The following NLK variants were observed in gnomAD, a reference collection of about 807,000 sequenced individuals.
NLK encodes nemo like kinase, also known as serine/threonine-protein kinase NLK.
NLK carries 11 observed loss-of-function variants against 59.0 expected under a neutral mutation model. The ratio of observed to expected loss-of-function variants is 0.19; its 90% CI spans 0.12 to 0.31. The LOEUF (loss-of-function observed/expected upper bound fraction) is 0.31, where lower values mean the gene tolerates loss of function less well. Ranked by LOEUF, NLK falls within the 10% of genes least tolerant of loss-of-function variation. The pLI is 1.00. For missense variants in NLK, 410 were observed against 661.1 expected (o/e 0.62, Z 4.16); for synonymous variants, 235 against 235.9 (o/e 1.00, Z 0.03).
chr17:28,066,366 G>T (rs1161684981), intron 1 of NLK, among the ~76,000 whole-genome samples: 1 of 152,170 alleles, frequency 6.6e-6, no homozygotes, highest in Non-Finnish European at 1.5e-5. Context: ...AGCCCAAACT[G>T]CTCTGACAAA....
chr17:28,139,185 G>A, intron 3 of NLK, among the ~76,000 whole-genome samples: 1 of 152,150 alleles, frequency 6.6e-6, no homozygotes, highest in East Asian at 1.9e-4. Context: ...GAACCCAGGA[G>A]GTGAAGATTG....
chr17:28,201,633 G>A, the NLK span, among the ~76,000 whole-genome samples: 4 of 152,110 alleles, frequency 2.6e-5, no homozygotes, highest in Admixed American at 2.6e-4. Flanking sequence ...GCTATAGTCA[G>A]GTGAGATTTA....
At chr17:28,138,908 A>G (rs75460904) in intron 3 of NLK, among the ~76,000 whole-genome samples, 2,583 of 152,336 alleles carry the variant, frequency 0.017, 83 homozygotes, top group African/African-American at 0.059. Flanking sequence ...ATAATCTAGT[A>G]GAGGATACAA....
chr17:28,114,610 A>G (rs917804198), intron 1 of NLK, among the ~76,000 whole-genome samples: 3 of 152,200 alleles, frequency 2.0e-5, no homozygotes, highest in African/African-American at 4.8e-5. Flanking sequence ...TTTGTGTTCA[A>G]TTGAAGAAAT....
At chr17:28,191,249 C>T (rs749955629) in intron 9 of NLK, 30 bp downstream of exon 9, 2 of 1,522,826 alleles carry the variant, frequency 1.3e-6, no homozygotes, top group South Asian at 1.2e-5. Flanking sequence ...TTTGGCCAGG[C>T]AATATGCCTA....
At chr17:28,140,246 A>G (rs1447876351) in intron 3 of NLK, among the ~76,000 whole-genome samples, 2 of 152,194 alleles carry the variant, frequency 1.3e-5, no homozygotes, top group Admixed American at 1.3e-4. Flanking sequence ...ATTGGGCCCC[A>G]ATGAAAGATT....
rs35187605 is a variant in NLK at position 28,194,983 on chromosome 17, TCACACACACACACACA to T, written c.*364_*379del. ...CTTTTCTAAAATGAAGTGAGATTGT[TCACACACACACACACA>T]CACACACACACACACAAACACAAAG... On this transcript the variant is annotated 3_prime_UTR_variant, in exon 11 of 11. Coordinates refer to ENST00000407008, the MANE Select transcript of NLK (RefSeq NM_016231.5). 6.3e-6 allele frequency: 1 copy of T among 158,054 alleles called. No individual in the cohort carries two copies. Among genetic ancestry groups the T allele is most frequent in the Non-Finnish European group, 1.4e-5 (1 of 73,950 alleles). 9.8% of individuals were successfully genotyped at this position (158,054 alleles called of 1,614,324 possible).
At chr17:28,068,887 C>T (rs2142754958) in intron 1 of NLK, among the ~76,000 whole-genome samples, 1 of 152,238 alleles carries the variant, frequency 6.6e-6, no homozygotes, top group South Asian at 2.1e-4. Flanking sequence ...CTATGTTGCC[C>T]AAGCTGGTCT....
rs145519362 is a variant in NLK at position 28,183,488 on chromosome 17, C to T, written c.1150-1691C>T. On this transcript the variant is annotated intron_variant, in intron 7 of 10. Coordinates refer to ENST00000407008, the MANE Select transcript of NLK (RefSeq NM_016231.5). Reference sequence around the variant, plus strand: ...GGACTACTGGCATGTACCACCATGCCGGGCTAATTTTTAAGTTTTTTGTAG... The same window carrying T: ...GGACTACTGGCATGTACCACCATGCTGGGCTAATTTTTAAGTTTTTTGTAG... Among the ~76,000 whole-genome samples the T allele has an allele frequency of 3.9e-5, 6 of 152,204 alleles. 1 individual carries two copies. The highest frequency in any genetic ancestry group is 1.4e-4 in the African/African-American group (6 of 41,538).
chr17:28,117,137 A>C (rs540514482), intron 1 of NLK, among the ~76,000 whole-genome samples: 28 of 152,200 alleles, frequency 1.8e-4, no homozygotes, highest in Non-Finnish European at 3.7e-4. Flanking sequence ...TCCTGCAGGC[A>C]GTTCAGATTC....
chr17:28,056,190 G>A (rs1474241595), intron 1 of NLK, among the ~76,000 whole-genome samples: 1 of 152,160 alleles, frequency 6.6e-6, no homozygotes, highest in Non-Finnish European at 1.5e-5. Flanking sequence ...TTTGTATCCT[G>A]TTTGTTTCAC....
intron 1 of NLK, among the ~76,000 whole-genome samples, chr17:28,103,194 A>G (rs978662579): frequency 3.9e-5 from 6 of 152,170 alleles, no homozygotes; most frequent in South Asian, 4.1e-4. Flanking sequence ...GCAACTTTGT[A>G]TAGCATAATA....
At chr17:28,161,418 A>G (rs997580161) in intron 4 of NLK, among the ~76,000 whole-genome samples, 152 bp downstream of exon 4, 3 of 152,120 alleles carry the variant, frequency 2.0e-5, no homozygotes, top group Non-Finnish European at 2.9e-5. Flanking sequence ...TTCTATATTT[A>G]ATGTTAAAGA....
intron 3 of NLK, among the ~76,000 whole-genome samples, chr17:28,136,916 G>A (rs1338970572): frequency 8.6e-6 from 1 of 116,164 alleles, no homozygotes; most frequent in East Asian, 3.0e-4. Context: ...TGTGTCCTGT[G>A]TTTTTGATAC....
intron 3 of NLK, among the ~76,000 whole-genome samples, chr17:28,145,176 T>TA (rs1182537190): frequency 6.6e-6 from 1 of 152,196 alleles, no homozygotes; most frequent in African/African-American, 2.4e-5. Context: ...GCATTTTTTT[T>TA]ACCAAAGAAA....
chr17:28,054,227 A>G (rs1909360561), intron 1 of NLK, among the ~76,000 whole-genome samples: 1 of 152,222 alleles, frequency 6.6e-6, no homozygotes. Flanking sequence ...ATCTTCAACC[A>G]TGTTTAATTG....
Position 28,173,394 on chromosome 17 carries a change from G to A in NLK, c.1149+776G>A, listed in dbSNP as rs531195338. On this transcript the variant is annotated intron_variant, in intron 7 of 10. Coordinates refer to ENST00000407008, the MANE Select transcript of NLK (RefSeq NM_016231.5). ...CTGATTGATGGTACCAAATGACAGA[G>A]TGAATTTGACACTCCTCCTCTCAAA... Among the ~76,000 whole-genome samples, 12 of 152,252 alleles carry A rather than the reference G, an allele frequency of 7.9e-5. No homozygotes were observed. In the South Asian group the frequency reaches 2.3e-3, roughly 29 times the overall value.
chr17:28,103,588 CT>C (rs1341098495), intron 1 of NLK, among the ~76,000 whole-genome samples: 2 of 152,102 alleles, frequency 1.3e-5, no homozygotes, highest in Admixed American at 1.3e-4. Context: ...AGATTTTAAA[CT>C]TTTTGTAGTT....
intron 1 of NLK, among the ~76,000 whole-genome samples, chr17:28,101,003 A>C (rs556113165): frequency 6.6e-6 from 1 of 152,240 alleles, no homozygotes; most frequent in African/African-American, 2.4e-5. Context: ...CTCCATGTGG[A>C]TATCCTATTA....
Sources: allele counts gnomAD v4.1 joint callset (sites outside exome capture counted in the v4.1 genomes callset), GRCh38; gene constraint gnomAD v4.1.1; transcripts MANE v1.5; gene names NCBI Gene and HGNC (gene_info 2026-07-23, HGNC 2026-07-21).